Variants in SYNE3 observed in about 807,000 individuals in gnomAD.
SYNE3 encodes nesprin-3.
SYNE3 carries 100 observed loss-of-function variants against 111.2 expected under a neutral mutation model. The observed-to-expected ratio is 0.90, with a 90% confidence interval of 0.77 to 1.06. The LOEUF is 1.06. Among genes scored for constraint, SYNE3 ranks in the 50% least tolerant of loss-of-function variants. The probability of loss-of-function intolerance (pLI) is 0.00; values close to 1 mark genes in which losing one functional copy is unlikely to be tolerated. For missense variants in SYNE3, 1,160 were observed against 1,240.3 expected (o/e 0.94, Z 0.97); for synonymous variants, 547 against 533.9 (o/e 1.02, Z -0.34).
chr14:95,493,887 A>T (rs1566686726), intron 1 of SYNE3, among the ~76,000 whole-genome samples: 1 of 151,948 alleles, frequency 6.6e-6, no homozygotes, highest in Non-Finnish European at 1.5e-5. Flanking sequence ...TGTTGAGATA[A>T]TTTTTTTTTA....
intron 4 of SYNE3, among the ~76,000 whole-genome samples, chr14:95,462,568 G>A (rs1489646641): frequency 1.3e-5 from 2 of 152,128 alleles, no homozygotes; most frequent in South Asian, 2.1e-4. Context: ...CGCTGTCTCC[G>A]CACATGACAC....
intron 1 of SYNE3, among the ~76,000 whole-genome samples, chr14:95,484,849 A>G (rs777242448): frequency 2.6e-5 from 4 of 152,200 alleles, no homozygotes; most frequent in Admixed American, 6.5e-5. Context: ...GAGAGTTATG[A>G]TTTAAACAAA....
intron 6 of SYNE3, among the ~76,000 whole-genome samples, chr14:95,452,914 A>G (rs1483983851): frequency 6.6e-6 from 1 of 152,186 alleles, no homozygotes; most frequent in African/African-American, 2.4e-5. Flanking sequence ...CAGGCCTAGA[A>G]GCTATTTGCA....
chr14:95,455,717 G>A lies in SYNE3; in HGVS notation c.797C>T (p.Ala266Val). 1 of 1,613,954 alleles carries A rather than the reference G, an allele frequency of 6.2e-7. No homozygotes were observed. Among genetic ancestry groups the A allele is most frequent in the South Asian group, 1.1e-5 (1 of 91,088 alleles). ...CTCCTCGCCCCTGGGAAAATCTTTG[G>A]CAATGTCCTGAAGAGGGTAGAGGGG... ...TQRLSTLQDI[A>V]KDFPRGEESL... Residue 266 changes from alanine to valine, a missense_variant, in exon 6 of 18, where the codon GCC (alanine) becomes GTC (valine). Coordinates refer to ENST00000682763, the MANE Select transcript of SYNE3 (RefSeq NM_152592.6).
chr14:95,513,140 T>C (rs1287095416), intron 1 of SYNE3, among the ~76,000 whole-genome samples: 2 of 152,214 alleles, frequency 1.3e-5, no homozygotes, highest in East Asian at 3.8e-4. Context: ...TGATCTCCTT[T>C]GTAACTGCCC....
rs1245510903 is a variant in SYNE3, at chr14:95,422,075, C to T, written c.2728-4049G>A. Among the ~76,000 whole-genome samples the T allele has an allele frequency of 3.3e-5, 5 of 152,188 alleles. 1 individual carries two copies. The highest frequency in any genetic ancestry group is 2.9e-5 in the Non-Finnish European group (2 of 68,028). On this transcript the variant is annotated intron_variant, in intron 17 of 17. Coordinates refer to ENST00000682763, the MANE Select transcript of SYNE3 (RefSeq NM_152592.6). The stretch of plus-strand genomic sequence containing the variant: ...ATGCTTTACCGTATCCTCAGCAGTG[C>T]TCAGTAAGTATTTGCTGAATGAATG...
chr14:95,516,580 G>A lies in SYNE3; in HGVS notation c.-15+16C>T, dbSNP rs56402942. ...CCCCGGCCCCAGGCCTGGCCTCCCG[G>A]CCCCGTGCCACTTACCCTCCCGGAG... On this transcript the variant is annotated intron_variant, in intron 1 of 17. Coordinates refer to ENST00000682763, the MANE Select transcript of SYNE3 (RefSeq NM_152592.6). Among the ~76,000 whole-genome samples, 54,157 of 145,674 alleles carry A rather than the reference G, an allele frequency of 0.37. 10,437 individuals are homozygous for A. Among genetic ancestry groups the A allele is most frequent in the Non-Finnish European group, 0.43 (27,991 of 65,560 alleles).
chr14:95,475,552 C>T, intron 2 of SYNE3, 126 bp downstream of exon 2: 1 of 1,130,476 alleles, frequency 8.8e-7, no homozygotes, highest in Non-Finnish European at 1.2e-6. Context: ...TCTGTGTGCA[C>T]ATCAGAGTTT....
chr14:95,440,220 C>A, intron 11 of SYNE3, 145 bp from the exon 12 acceptor site: 1 of 847,380 alleles, frequency 1.2e-6, no homozygotes, highest in East Asian at 2.7e-5. Flanking sequence ...GCTGGGCTGG[C>A]CCTTCCCTCC....
intron 17 of SYNE3, among the ~76,000 whole-genome samples, chr14:95,420,862 T>C (rs1885076476): frequency 1.3e-5 from 2 of 151,978 alleles, no homozygotes; most frequent in Non-Finnish European, 2.9e-5. Flanking sequence ...TATGGTTTGG[T>C]TGTGTCCCCA....
Position 95,414,108 on chromosome 14 carries a change from C to A in SYNE3, c.*3718G>T, listed in dbSNP as rs918896153. On this transcript the variant is annotated 3_prime_UTR_variant, in exon 18 of 18. Coordinates refer to ENST00000682763, the MANE Select transcript of SYNE3 (RefSeq NM_152592.6). ...CAGGCGAGCTGATGGGCAGAGAGTTCTGCCTGCTTGCCCAGGGAACTCCAT... is the reference window on the plus strand; with the variant it reads ...CAGGCGAGCTGATGGGCAGAGAGTTATGCCTGCTTGCCCAGGGAACTCCAT... 1 of 152,248 alleles carries A rather than the reference C, an allele frequency of 6.6e-6. No individual in the cohort carries two copies. Among genetic ancestry groups the A allele is most frequent in the African/African-American group, 2.4e-5 (1 of 41,456 alleles). 9.4% of individuals were successfully genotyped at this position (152,248 alleles called of 1,614,324 possible). A position where few individuals can be genotyped will look rare whatever the true frequency, so the allele number is the denominator to read the frequency against.
At chr14:95,431,900 T>A (rs963209907) in intron 17 of SYNE3, among the ~76,000 whole-genome samples, 179 bp downstream of exon 17, 1 of 152,194 alleles carries the variant, frequency 6.6e-6, no homozygotes, top group African/African-American at 2.4e-5. Context: ...TGGGGCTTCT[T>A]GAAATCAAGA....
intron 1 of SYNE3, among the ~76,000 whole-genome samples, chr14:95,493,839 C>A (rs1451919672): frequency 6.6e-6 from 1 of 152,220 alleles, no homozygotes; most frequent in Non-Finnish European, 1.5e-5. Flanking sequence ...GGAATAAACT[C>A]CCCCTGTGAA....
chr14:95,509,558 C>T (rs762992266), intron 1 of SYNE3, among the ~76,000 whole-genome samples: 1 of 152,196 alleles, frequency 6.6e-6, no homozygotes, highest in Non-Finnish European at 1.5e-5. Flanking sequence ...CTAATCTCAA[C>T]CTCCCTCTTT....
chr14:95,495,340 C>T (rs754500777), intron 1 of SYNE3, among the ~76,000 whole-genome samples: 7 of 152,228 alleles, frequency 4.6e-5, no homozygotes, highest in Non-Finnish European at 8.8e-5. Flanking sequence ...AAGGAGTCTC[C>T]TGCCTGCTGC....
chr14:95,418,387 T>C (rs1379861372), intron 17 of SYNE3, among the ~76,000 whole-genome samples: 2 of 152,122 alleles, frequency 1.3e-5, no homozygotes, highest in East Asian at 3.9e-4. Flanking sequence ...TAATGGCACC[T>C]ACATGACAGA....
intron 1 of SYNE3, among the ~76,000 whole-genome samples, chr14:95,508,830 A>G (rs1294697343): frequency 6.6e-6 from 1 of 152,230 alleles, no homozygotes; most frequent in Non-Finnish European, 1.5e-5. Flanking sequence ...GGGGCCGCAG[A>G]GGGAGATGAC....
intron 15 of SYNE3, 78 bp downstream of exon 15, chr14:95,436,742 T>G: frequency 6.5e-7 from 1 of 1,531,310 alleles, no homozygotes; most frequent in South Asian, 1.2e-5. Context: ...GTGTTCCTTC[T>G]TTTGAAGAAC....
rs202043284 is a variant in SYNE3, at chr14:95,436,998, G to T, written c.2377-17C>A. 1.5e-5 allele frequency: 25 copies of T among 1,613,830 alleles called. No individual in the cohort carries two copies. The highest frequency in any genetic ancestry group is 1.9e-5 in the Non-Finnish European group (23 of 1,179,990). On this transcript the variant is annotated splice_polypyrimidine_tract_variant and intron_variant, in intron 14 of 17. Transcript: ENST00000682763. ...AAGATTTGCCTGTAGGATCACACAC[G>T]GCCAAAGCGTCAGAGGTGAAAGAGC...
Sources: gnomAD v4.1 joint callset for allele counts (sites outside exome capture counted in the v4.1 genomes callset) on GRCh38, gnomAD v4.1.1 for gene constraint, MANE v1.5 for transcripts, NCBI Gene and HGNC (gene_info 2026-07-23, HGNC 2026-07-21) for gene names.